CUL5: variants seen among roughly 807,000 people sequenced by gnomAD.
The protein encoded by CUL5 is cullin 5, also known as cullin-5.
Under a neutral mutation model 108.8 loss-of-function variants are expected in CUL5, and 26 were observed. That is an observed-to-expected ratio of 0.24 (90% CI 0.18 to 0.33). The LOEUF is 0.33. CUL5 is among the 10% of genes least tolerant of loss of function. The pLI is 1.00. For missense variants in CUL5, 524 were observed against 909.2 expected (o/e 0.58, Z 5.45); for synonymous variants, 334 against 298.0 (o/e 1.12, Z -1.25).
At chr11:108,035,032 T>G (rs1037041843) in intron 2 of CUL5, among the ~76,000 whole-genome samples, 87 of 152,250 alleles carry the variant, frequency 5.7e-4, no homozygotes, top group African/African-American at 2.0e-3. Flanking sequence ...CAGACTGACT[T>G]ACTGAGGTGT....
chr11:108,067,265 T>A (rs548956192), intron 7 of CUL5, among the ~76,000 whole-genome samples: 18 of 152,322 alleles, frequency 1.2e-4, no homozygotes, highest in African/African-American at 4.3e-4. Flanking sequence ...ATAATTTGTT[T>A]AACCTCTCAA....
chr11:108,038,299 A>C (rs1459655251), intron 2 of CUL5, among the ~76,000 whole-genome samples: 3 of 152,202 alleles, frequency 2.0e-5, no homozygotes, highest in Non-Finnish European at 4.4e-5. Flanking sequence ...CTCCTGACTT[A>C]GAAAAGGAGC....
At position 108,106,673 on chromosome 11, in the gene CUL5, T is replaced by TAAAAAAAAATGA. The variant is rs1864810775; in HGVS notation, c.*2300_*2311dup. 2 of 148,996 alleles carry TAAAAAAAAATGA rather than the reference T, an allele frequency of 1.3e-5. No homozygotes were observed. The highest frequency in any genetic ancestry group is 4.9e-5 in the African/African-American group (2 of 40,420). The allele number at this position is 148,996 out of a possible 1,614,324, so 9.2% of individuals were successfully genotyped here. A position where few individuals can be genotyped will look rare whatever the true frequency, so the allele number is the denominator to read the frequency against. Reference sequence around the variant, plus strand: ...TAATTTAACAACAGATTTGCTAATTTAAAAAAAAATGAAAAAAAAAATCTT... The same window carrying TAAAAAAAAATGA: ...TAATTTAACAACAGATTTGCTAATTTAAAAAAAAATGAAAAAAAAAATGAAAAAAAAAATCTT... On this transcript the variant is annotated 3_prime_UTR_variant, in exon 19 of 19. Transcript: ENST00000393094.
At chr11:108,100,617 A>C (rs1469136623) in intron 18 of CUL5, among the ~76,000 whole-genome samples, 1 of 152,200 alleles carries the variant, frequency 6.6e-6, no homozygotes, top group African/African-American at 2.4e-5. Flanking sequence ...AAAGGAAATA[A>C]TTTCTATGAC....
intron 1 of CUL5, among the ~76,000 whole-genome samples, chr11:108,033,540 T>C (rs1262624023): frequency 6.6e-6 from 1 of 152,184 alleles, no homozygotes; most frequent in Non-Finnish European, 1.5e-5. Flanking sequence ...GATTATCTAC[T>C]AGAAGCCAAG....
intron 7 of CUL5, among the ~76,000 whole-genome samples, chr11:108,068,713 G>A (rs1305141188): frequency 6.6e-6 from 1 of 152,002 alleles, no homozygotes; most frequent in Non-Finnish European, 1.5e-5. Flanking sequence ...AATTTCATCT[G>A]ATCCCCAAAA....
chr11:108,055,594 G>A (rs964911665), intron 7 of CUL5, among the ~76,000 whole-genome samples: 2 of 151,340 alleles, frequency 1.3e-5, no homozygotes, highest in East Asian at 1.9e-4. Context: ...ACAGGCACAC[G>A]TCACCCTGCC....
chr11:108,049,830 T>C (rs761112722), intron 3 of CUL5, 60 bp from the exon 4 acceptor site: 6 of 1,349,312 alleles, frequency 4.4e-6, no homozygotes, highest in Admixed American at 2.2e-5. Flanking sequence ...GGCATGAATA[T>C]GTTCTTAATT....
intron 1 of CUL5, among the ~76,000 whole-genome samples, chr11:108,011,348 G>A (rs11828981): frequency 0.025 from 3,732 of 152,258 alleles, 165 homozygotes; most frequent in African/African-American, 0.082. Flanking sequence ...GTTCATATTA[G>A]TTAAGTACTT....
chr11:108,055,326 C>T (rs1007264507), intron 7 of CUL5, among the ~76,000 whole-genome samples: 5 of 151,824 alleles, frequency 3.3e-5, no homozygotes, highest in Non-Finnish European at 5.9e-5. Flanking sequence ...TTTTTTGTAC[C>T]GGTTATGTTC....
intron 1 of CUL5, among the ~76,000 whole-genome samples, chr11:108,028,462 A>G (rs1376893416): frequency 2.0e-5 from 3 of 152,178 alleles, no homozygotes; most frequent in Admixed American, 6.5e-5. Context: ...GTGCTTCCTA[A>G]TCCTACACCC....
At chr11:108,056,757 G>T (rs1158132340) in intron 7 of CUL5, among the ~76,000 whole-genome samples, 1 of 152,136 alleles carries the variant, frequency 6.6e-6, no homozygotes, top group Admixed American at 6.6e-5. Context: ...TTCAGGCAAG[G>T]TATTAGGCAG....
At chr11:108,104,057 C>A in intron 18 of CUL5, 133 bp from the exon 19 acceptor site, 3 of 527,546 alleles carry the variant, frequency 5.7e-6, no homozygotes, top group Non-Finnish European at 1.0e-5. Context: ...CAACATTAAT[C>A]CCCTAGTGAT....
chr11:108,036,669 G>T (rs1370007082), intron 2 of CUL5, among the ~76,000 whole-genome samples: 1 of 152,106 alleles, frequency 6.6e-6, no homozygotes, highest in East Asian at 1.9e-4. Context: ...TTAGAGACAG[G>T]TTTTCACCAT....
intron 13 of CUL5, among the ~76,000 whole-genome samples, chr11:108,090,841 G>A (rs181969617): frequency 2.6e-5 from 4 of 151,940 alleles, no homozygotes; most frequent in Non-Finnish European, 4.4e-5. Context: ...CTAGCCCTTC[G>A]CATGGAACTT....
intron 1 of CUL5, among the ~76,000 whole-genome samples, chr11:108,032,633 TC>T (rs1862622154): frequency 6.6e-6 from 1 of 152,202 alleles, no homozygotes; most frequent in Admixed American, 6.6e-5. Context: ...TCATTATTTT[TC>T]CTAATATTGC....
chr11:108,072,420 T>A lies in CUL5; in HGVS notation c.963T>A (p.Ala321=). 6.2e-7 allele frequency: 1 copy of A among 1,612,940 alleles called. No individual in the cohort carries two copies. Among genetic ancestry groups the A allele is most frequent in the Non-Finnish European group, 8.5e-7 (1 of 1,179,280 alleles). The change falls in exon 9 of 19, where the codon GCT becomes GCA. Residue 321 remains alanine, a synonymous_variant. Coordinates refer to ENST00000393094, the MANE Select transcript of CUL5 (RefSeq NM_003478.6). ...LKDLEEHIIS[A]GLADMVAAAE... ...ACTTGGAGGAACATATCATTAGTGC[T>A]GGCCTGGCAGATATGGTAGCAGCTG...
In CUL5 at chr11:108,093,208, G is replaced by A. The variant is rs536909764; in HGVS notation, c.1444-1183G>A. Among the ~76,000 whole-genome samples the A allele has an allele frequency of 3.3e-5, 5 of 152,282 alleles. 1 individual carries two copies. The highest frequency in any genetic ancestry group is 1.2e-4 in the African/African-American group (5 of 41,560). On this transcript the variant is annotated intron_variant, in intron 13 of 18. Transcript: ENST00000393094. ...GTTTGAATAGCTTTTGCCTTCTTGT[G>A]TAACTTGACAGAGTAAGCATCTTTT...
At chr11:108,077,015 A>G (rs1454369627) in intron 10 of CUL5, among the ~76,000 whole-genome samples, 1 of 152,244 alleles carries the variant, frequency 6.6e-6, no homozygotes, top group African/African-American at 2.4e-5. Context: ...AAGAGAAAGA[A>G]TGGAGCTGGA....
Sources: allele counts gnomAD v4.1 joint callset (sites outside exome capture counted in the v4.1 genomes callset), GRCh38; gene constraint gnomAD v4.1.1; transcripts MANE v1.5; gene names NCBI Gene and HGNC (gene_info 2026-07-23, HGNC 2026-07-21).